LINGO2: variants seen among roughly 807,000 people sequenced by gnomAD.
LINGO2 encodes leucine rich repeat and Ig domain containing 2, also known as leucine-rich repeat and immunoglobulin-like domain-containing nogo receptor-interacting protein 2.
A neutral mutation model predicts 30.6 loss-of-function variants in LINGO2; 14 were observed. The ratio of observed to expected loss-of-function variants is 0.46; its 90% CI spans 0.30 to 0.72. LINGO2 has a LOEUF of 0.72. Ranked by LOEUF, LINGO2 falls within the 30% of genes least tolerant of loss-of-function variation. LINGO2 has a pLI of 0.07. For missense variants in LINGO2, 729 were observed against 751.7 expected (o/e 0.97, Z 0.35); for synonymous variants, 317 against 288.5 (o/e 1.10, Z -1.00).
the LINGO2 span, among the ~76,000 whole-genome samples, chr9:29,074,462 T>C: frequency 6.6e-6 from 1 of 152,130 alleles, no homozygotes; most frequent in African/African-American, 2.4e-5. Context: ...AATTCATGTA[T>C]TCATTTAGTA....
At chr9:28,375,850 A>G (rs1302064947) in intron 2 of LINGO2, among the ~76,000 whole-genome samples, 1 of 152,104 alleles carries the variant, frequency 6.6e-6, no homozygotes, top group East Asian at 1.9e-4. Flanking sequence ...TTCTGAGAGG[A>G]GACACTGCCT....
At chr9:28,580,903 G>C (rs1268297674) in intron 1 of LINGO2, among the ~76,000 whole-genome samples, 1 of 151,876 alleles carries the variant, frequency 6.6e-6, no homozygotes, top group Non-Finnish European at 1.5e-5. Context: ...AGTGACAGTT[G>C]AACCTTTAAA....
At chr9:28,433,506 A>C (rs564915602) in intron 2 of LINGO2, among the ~76,000 whole-genome samples, 1 of 152,288 alleles carries the variant, frequency 6.6e-6, no homozygotes, top group East Asian at 1.9e-4. Flanking sequence ...GGAAAGGAAA[A>C]AAACAGATTT....
At chr9:29,118,432 T>C in the LINGO2 span, among the ~76,000 whole-genome samples, 2 of 152,150 alleles carry the variant, frequency 1.3e-5, no homozygotes, top group Non-Finnish European at 2.9e-5. Flanking sequence ...GTCAGCAAGG[T>C]GGCAGAAGAG....
In LINGO2 at chr9:28,018,431, A is replaced by G. The variant is rs372674394; in HGVS notation, c.-86-6026T>C. ...ATATATTCTCCCATTATAGAATCAG[A>G]GAAAATATTTGCAAACTATGCATCC... On this transcript the variant is annotated intron_variant, in intron 4 of 5. Coordinates refer to ENST00000379992, the Ensembl canonical transcript of LINGO2. Among the ~76,000 whole-genome samples the G allele has an allele frequency of 5.9e-5, 9 of 152,322 alleles. No individual in the cohort carries two copies. The East Asian group carries it at 1.3e-3, about 23-fold the overall frequency.
chr9:28,931,962 G>C, the LINGO2 span, among the ~76,000 whole-genome samples: 2 of 151,526 alleles, frequency 1.3e-5, no homozygotes, highest in Non-Finnish European at 2.9e-5. Flanking sequence ...ACAAAAATTA[G>C]CCTGGTGTGG....
the LINGO2 span, among the ~76,000 whole-genome samples, chr9:29,117,508 C>T: frequency 6.6e-6 from 1 of 152,140 alleles, no homozygotes; most frequent in East Asian, 1.9e-4. Flanking sequence ...ATGTGAACAT[C>T]ACAGAGTTAT....
the LINGO2 span, among the ~76,000 whole-genome samples, chr9:28,748,639 T>C: frequency 6.6e-6 from 1 of 152,034 alleles, no homozygotes; most frequent in African/African-American, 2.4e-5. Flanking sequence ...CTATGAATAG[T>C]ATTATATTTG....
chr9:28,787,470 T>C, the LINGO2 span, among the ~76,000 whole-genome samples: 1 of 152,126 alleles, frequency 6.6e-6, no homozygotes, highest in African/African-American at 2.4e-5. Context: ...GAAGAGAGAA[T>C]AATTCAGAGA....
chr9:28,561,997 T>C (rs922112049), intron 1 of LINGO2, among the ~76,000 whole-genome samples: 4 of 151,674 alleles, frequency 2.6e-5, no homozygotes, highest in Non-Finnish European at 5.9e-5. Flanking sequence ...AAAAACACTG[T>C]CATCCTTTTT....
chr9:28,322,202 C>T (rs894436362), intron 3 of LINGO2, among the ~76,000 whole-genome samples: 1 of 152,108 alleles, frequency 6.6e-6, no homozygotes, highest in Non-Finnish European at 1.5e-5. Context: ...CCTGGAATGT[C>T]CTTACATTTC....
chr9:28,911,730 C>T, the LINGO2 span, among the ~76,000 whole-genome samples: 4 of 152,010 alleles, frequency 2.6e-5, no homozygotes, highest in African/African-American at 9.7e-5. Context: ...GTTAGAGCCA[C>T]TCATAATATT....
chr9:28,226,182 C>A (rs545431411), intron 4 of LINGO2, among the ~76,000 whole-genome samples: 80 of 152,158 alleles, frequency 5.3e-4, no homozygotes, highest in Non-Finnish European at 1.0e-3. Context: ...AAAATAATTT[C>A]ATCAACCTGC....
the LINGO2 span, among the ~76,000 whole-genome samples, chr9:28,971,396 A>C: frequency 6.6e-6 from 1 of 152,146 alleles, no homozygotes; most frequent in Non-Finnish European, 1.5e-5. Flanking sequence ...GCCCATTGCC[A>C]GAAGGGAGCC....
intron 4 of LINGO2, among the ~76,000 whole-genome samples, chr9:28,201,045 C>T (rs545982301): frequency 6.7e-6 from 1 of 149,652 alleles, no homozygotes; most frequent in East Asian, 2.0e-4. Context: ...TCATACTGCT[C>T]TCCTTGAGAC....
chr9:28,494,019 T>A (rs558347429), intron 1 of LINGO2, among the ~76,000 whole-genome samples: 7 of 152,146 alleles, frequency 4.6e-5, no homozygotes, highest in Non-Finnish European at 1.5e-5. Context: ...TGACTCCCCT[T>A]TATATATACA....
At chr9:28,855,411 T>G in the LINGO2 span, among the ~76,000 whole-genome samples, 7 of 151,944 alleles carry the variant, frequency 4.6e-5, no homozygotes, top group Admixed American at 1.3e-4. Context: ...TCTGTTTAGG[T>G]GTATTTTGCT....
intron 1 of LINGO2, among the ~76,000 whole-genome samples, chr9:28,577,373 C>T (rs867307094): frequency 9.2e-5 from 14 of 152,200 alleles, no homozygotes; most frequent in African/African-American, 2.9e-4. Flanking sequence ...ACTCAAGACC[C>T]GACCAGTCCT....
intron 1 of LINGO2, among the ~76,000 whole-genome samples, chr9:28,482,111 T>G (rs369713807): frequency 0.031 from 4,659 of 152,122 alleles, 178 homozygotes; most frequent in East Asian, 0.1. Flanking sequence ...TATAGCAGCA[T>G]GATTTATAGT....
Sources: gnomAD v4.1 joint callset for allele counts (sites outside exome capture counted in the v4.1 genomes callset) on GRCh38, gnomAD v4.1.1 for gene constraint, MANE v1.5 for transcripts, NCBI Gene and HGNC (gene_info 2026-07-23, HGNC 2026-07-21) for gene names.